The following DPF3 variants were observed in gnomAD, a reference collection of about 807,000 sequenced individuals.
DPF3 encodes zinc finger protein DPF3.
A neutral mutation model predicts 56.8 loss-of-function variants in DPF3; 18 were observed. The observed-to-expected ratio is 0.32, with a 90% CI of 0.22 to 0.47. The LOEUF (loss-of-function observed/expected upper bound fraction) is 0.47. DPF3 is among the 20% of genes least tolerant of loss of function. The pLI is 1.00. For synonymous variants in DPF3, 188 were observed against 180.2 expected (o/e 1.04, Z -0.35); for missense variants, 403 against 488.8 (o/e 0.82, Z 1.65).
intron 1 of DPF3, among the ~76,000 whole-genome samples, chr14:72,871,152 C>T (rs1885885657): frequency 1.3e-5 from 2 of 152,132 alleles, no homozygotes; most frequent in Admixed American, 6.5e-5. Flanking sequence ...CCCCATGATT[C>T]GATTACCTCC....
chr14:72,673,286 G>A (rs1886770038), intron 8 of DPF3, among the ~76,000 whole-genome samples: 1 of 152,172 alleles, frequency 6.6e-6, no homozygotes, highest in Non-Finnish European at 1.5e-5. Context: ...AAAGACACTG[G>A]ATAGAAAGGT....
At chr14:72,764,429 T>C (rs181066533) in intron 2 of DPF3, among the ~76,000 whole-genome samples, 158 of 150,340 alleles carry the variant, frequency 1.1e-3, no homozygotes, top group African/African-American at 3.7e-3. Flanking sequence ...CTGTTTCAGA[T>C]ACATGTCCTT....
chr14:72,747,825 C>A (rs1759847517), intron 3 of DPF3, among the ~76,000 whole-genome samples: 3 of 152,116 alleles, frequency 2.0e-5, no homozygotes, highest in South Asian at 4.1e-4. Context: ...ACAAGAATTT[C>A]TCTGCACAAG....
intron 4 of DPF3, among the ~76,000 whole-genome samples, chr14:72,729,148 T>C (rs912217017): frequency 6.6e-6 from 1 of 152,044 alleles, no homozygotes; most frequent in Non-Finnish European, 1.5e-5. Context: ...CTCAGGAGGC[T>C]GAGACAGGAG....
At chr14:72,871,539 A>G (rs1885901561) in intron 1 of DPF3, among the ~76,000 whole-genome samples, 1 of 152,208 alleles carries the variant, frequency 6.6e-6, no homozygotes, top group Non-Finnish European at 1.5e-5. Context: ...TAAAGCTTCA[A>G]AATAATCTCC....
chr14:72,785,472 G>T (rs74470051), intron 1 of DPF3, among the ~76,000 whole-genome samples: 5,701 of 152,178 alleles, frequency 0.037, 366 homozygotes, highest in African/African-American at 0.13. Flanking sequence ...CTTGGCCACT[G>T]CACTGTCAGC....
At chr14:72,667,211 T>C (rs1482672432) in intron 8 of DPF3, among the ~76,000 whole-genome samples, 1 of 152,196 alleles carries the variant, frequency 6.6e-6, no homozygotes, top group East Asian at 1.9e-4. Context: ...AAAAATTAAA[T>C]GCATATTTCT....
chr14:72,629,001 T>C (rs937304471), intron 9 of DPF3, among the ~76,000 whole-genome samples: 4 of 152,198 alleles, frequency 2.6e-5, no homozygotes, highest in African/African-American at 9.7e-5. Flanking sequence ...TGGGCCTTAT[T>C]TGAATCCCAA....
chr14:72,847,881 A>G (rs1324701841), intron 1 of DPF3, among the ~76,000 whole-genome samples: 1 of 152,174 alleles, frequency 6.6e-6, no homozygotes, highest in Non-Finnish European at 1.5e-5. Context: ...CATCTGCTCC[A>G]AACTACATTT....
In DPF3 at chr14:72,618,714, TG is replaced by T. The variant is rs1331475652; in HGVS notation, c.*582del. Among the ~76,000 whole-genome samples, 1 of 149,564 alleles carries T rather than the reference TG, an allele frequency of 6.7e-6. No individual in the cohort carries two copies. Among genetic ancestry groups the T allele is most frequent in the East Asian group, 2.0e-4 (1 of 4,894 alleles). ...CCAGGCTGGCTGTGGATGCCACTGC[TG>T]GGGTTCTAGAAGGCAACTCTTTGTC... is the stretch of plus-strand genomic sequence containing the variant. On this transcript the variant is annotated 3_prime_UTR_variant, in exon 11 of 11. Coordinates refer to ENST00000556509, the MANE Select transcript of DPF3 (RefSeq NM_001280542.3).
At chr14:72,871,793 T>C (rs896431838) in intron 1 of DPF3, among the ~76,000 whole-genome samples, 3 of 152,202 alleles carry the variant, frequency 2.0e-5, no homozygotes, top group African/African-American at 4.8e-5. Context: ...TCCAGGCACA[T>C]GGTGCAAGCT....
intron 1 of DPF3, among the ~76,000 whole-genome samples, chr14:72,791,233 C>G (rs1032335613): frequency 6.6e-6 from 1 of 152,208 alleles, no homozygotes; most frequent in African/African-American, 2.4e-5. Flanking sequence ...CAGTTTACTT[C>G]GTGTGGAGCT....
chr14:72,879,064 C>A (rs1017827903), intron 1 of DPF3, among the ~76,000 whole-genome samples: 1 of 152,200 alleles, frequency 6.6e-6, no homozygotes, highest in African/African-American at 2.4e-5. Context: ...TTCCTACGTG[C>A]CTGCTAGGCT....
chr14:72,859,597 C>T (rs1241625683), intron 1 of DPF3, among the ~76,000 whole-genome samples: 1 of 151,758 alleles, frequency 6.6e-6, no homozygotes, highest in Non-Finnish European at 1.5e-5. Flanking sequence ...GCGGGTGGGC[C>T]TGAGCAATGC....
chr14:72,781,874 A>T (rs900298278), intron 1 of DPF3, among the ~76,000 whole-genome samples: 1 of 152,192 alleles, frequency 6.6e-6, no homozygotes, highest in African/African-American at 2.4e-5. Flanking sequence ...GAGGTGGTGG[A>T]GAAGCCTGCT....
At chr14:72,717,878 T>C (rs1888997618) in intron 5 of DPF3, among the ~76,000 whole-genome samples, 1 of 152,194 alleles carries the variant, frequency 6.6e-6, no homozygotes, top group Non-Finnish European at 1.5e-5. Flanking sequence ...TTCATTCCTC[T>C]CTACCAGTAT....
Position 72,613,910 on chromosome 14 carries a change from T to C in DPF3, c.*5387A>G, listed in dbSNP as rs2803959. ...GTTCCCACTCGCTCTGCCTGGGAGG[T>C]TGTCTATCCTCCCACATCCCGGGTG... is the stretch of plus-strand genomic sequence containing the variant. On this transcript the variant is annotated 3_prime_UTR_variant, in exon 11 of 11. Coordinates refer to ENST00000556509, the MANE Select transcript of DPF3 (RefSeq NM_001280542.3). 0.65 allele frequency among the ~76,000 whole-genome samples: 98,893 copies of C among 151,954 alleles called. 33,368 individuals carry two copies. Among genetic ancestry groups the C allele is most frequent in the East Asian group, 0.99 (5,072 of 5,136 alleles).
chr14:72,730,217 G>T (rs922499950), intron 4 of DPF3, among the ~76,000 whole-genome samples: 1 of 152,024 alleles, frequency 6.6e-6, no homozygotes, highest in Non-Finnish European at 1.5e-5. Context: ...GGATGCGGGA[G>T]AACTGGGCTT....
chr14:72,796,784 T>C (rs1401605882), intron 1 of DPF3, among the ~76,000 whole-genome samples: 1 of 152,120 alleles, frequency 6.6e-6, no homozygotes, highest in Non-Finnish European at 1.5e-5. Flanking sequence ...CTGTGAGTGG[T>C]AAATGCAAGC....
Sources: allele counts gnomAD v4.1 joint callset (sites outside exome capture counted in the v4.1 genomes callset), GRCh38; gene constraint gnomAD v4.1.1; transcripts MANE v1.5; gene names NCBI Gene and HGNC (gene_info 2026-07-23, HGNC 2026-07-21).